Variants in NCAM1 observed in about 807,000 individuals in gnomAD.
NCAM1 encodes antigen recognized by monoclonal antibody 5.1H11.
Under a neutral mutation model 109.8 loss-of-function variants are expected in NCAM1, and 14 were observed. The observed-to-expected ratio is 0.13, with a 90% CI of 0.08 to 0.20. NCAM1 has a LOEUF of 0.20. NCAM1 is among the 10% of genes least tolerant of loss of function. The probability of loss-of-function intolerance (pLI) is 1.00; values close to 1 mark genes in which losing one functional copy is unlikely to be tolerated. For missense variants in NCAM1, 774 were observed against 1,109.9 expected (o/e 0.70, Z 4.30); for synonymous variants, 418 against 442.9 (o/e 0.94, Z 0.70).
intron 1 of NCAM1, among the ~76,000 whole-genome samples, chr11:113,172,667 T>A (rs1435314853): frequency 2.6e-5 from 4 of 152,136 alleles, no homozygotes; most frequent in Non-Finnish European, 5.9e-5. Context: ...TTATGTGGAG[T>A]TTAAATTGTG....
intron 1 of NCAM1, among the ~76,000 whole-genome samples, chr11:113,137,550 A>C (rs1247297608): frequency 6.6e-6 from 1 of 152,216 alleles, no homozygotes; most frequent in Non-Finnish European, 1.5e-5. Flanking sequence ...AGACATCTCC[A>C]AAAATATGAA....
chr11:113,183,138 G>A (rs1459647304), intron 1 of NCAM1, among the ~76,000 whole-genome samples: 2 of 152,184 alleles, frequency 1.3e-5, no homozygotes, highest in Admixed American at 1.3e-4. Flanking sequence ...TCCTGTGGGT[G>A]TTTGTAGGGG....
chr11:113,154,499 G>A (rs527276784), intron 1 of NCAM1, among the ~76,000 whole-genome samples: 3 of 152,172 alleles, frequency 2.0e-5, no homozygotes, highest in Non-Finnish European at 4.4e-5. Flanking sequence ...GCATGTGAAA[G>A]GGATTAAATG....
chr11:113,026,084 T>G (rs1472749556), intron 1 of NCAM1, among the ~76,000 whole-genome samples: 2 of 152,166 alleles, frequency 1.3e-5, no homozygotes, highest in African/African-American at 2.4e-5. Flanking sequence ...TACAAGGATT[T>G]TCAGAAGGTA....
intron 1 of NCAM1, among the ~76,000 whole-genome samples, chr11:113,161,886 G>A (rs1942611512): frequency 6.6e-6 from 1 of 152,144 alleles, no homozygotes; most frequent in African/African-American, 2.4e-5. Context: ...ATGCCAGGGA[G>A]CAGCTGGTCA....
At chr11:113,035,579 G>C (rs1270337752) in intron 1 of NCAM1, among the ~76,000 whole-genome samples, 1 of 152,142 alleles carries the variant, frequency 6.6e-6, no homozygotes, top group South Asian at 2.1e-4. Flanking sequence ...ATTTTTTAAA[G>C]GCCTTGGTGT....
chr11:113,136,104 G>A (rs918896660), intron 1 of NCAM1, among the ~76,000 whole-genome samples: 76 of 152,282 alleles, frequency 5.0e-4, no homozygotes, highest in African/African-American at 1.7e-3. Flanking sequence ...GTTCGCCTGA[G>A]CCCAGGAGTT....
intron 1 of NCAM1, among the ~76,000 whole-genome samples, chr11:113,166,771 C>A (rs11607865): frequency 0.3 from 44,607 of 150,472 alleles, 7,640 homozygotes; most frequent in South Asian, 0.49. Flanking sequence ...CACACACACA[C>A]AAAAAAAAAC....
rs539745599 is a variant in NCAM1, at chr11:113,164,194, C to G, written c.53-38185C>G. On this transcript the variant is annotated intron_variant, in intron 1 of 19. Transcript: ENST00000316851. Reference sequence around the variant, plus strand: ...TGCAGTCTGCACTTAGCACTGCACTCTGAACTAAGAGTGGAGAAGAGGACT... The same window carrying G: ...TGCAGTCTGCACTTAGCACTGCACTGTGAACTAAGAGTGGAGAAGAGGACT... Among the ~76,000 whole-genome samples the G allele has an allele frequency of 2.6e-5, 4 of 152,292 alleles. No homozygotes were observed. The East Asian group carries it at 7.7e-4, about 29-fold the overall frequency.
intron 1 of NCAM1, among the ~76,000 whole-genome samples, chr11:113,110,331 C>A (rs1413500059): frequency 6.6e-6 from 1 of 152,130 alleles, no homozygotes; most frequent in African/African-American, 2.4e-5. Context: ...ACTCATTTCA[C>A]CCCAGAATCT....
At chr11:112,977,162 T>C (rs1298532425) in intron 1 of NCAM1, among the ~76,000 whole-genome samples, 1 of 151,798 alleles carries the variant, frequency 6.6e-6, no homozygotes, top group African/African-American at 2.4e-5. Context: ...TAGAGATGCT[T>C]CTTAAATGTG....
At position 113,275,319 on chromosome 11, in the gene NCAM1, G is replaced by A. The variant is rs1946379593; in HGVS notation, c.2509G>A (p.Ala837Thr). 1.9e-6 allele frequency: 3 copies of A among 1,613,750 alleles called. No homozygotes were observed. The East Asian group carries it at 6.7e-5, about 36-fold the overall frequency. Reference sequence around the variant, plus strand: ...GTGCCAGGAGACAGAAACGAAGCCAGCGCCAGCCGAAGTCAAGACGGTCCC... The same window carrying A: ...GTGCCAGGAGACAGAAACGAAGCCAACGCCAGCCGAAGTCAAGACGGTCCC... ...PECQETETKP[A>T]PAEVKTVPND... The change falls in exon 20 of 20, where the codon GCG becomes ACG. Residue 837 changes from alanine to threonine, a missense_variant. Coordinates refer to ENST00000316851, the MANE Select transcript of NCAM1 (RefSeq NM_181351.5).
chr11:113,142,383 C>A (rs1259207978), intron 1 of NCAM1, among the ~76,000 whole-genome samples: 1 of 152,136 alleles, frequency 6.6e-6, no homozygotes, highest in Non-Finnish European at 1.5e-5. Flanking sequence ...TCAAAGGATG[C>A]AGAAACATAA....
chr11:113,268,738 G>T (rs980226315), intron 17 of NCAM1, among the ~76,000 whole-genome samples: 3 of 152,178 alleles, frequency 2.0e-5, no homozygotes, highest in Admixed American at 6.5e-5. Context: ...CAGCTCTGGT[G>T]CTGGTTACTC....
chr11:113,234,937 A>G (rs1555117958), intron 13 of NCAM1, 96 bp from the exon 14 acceptor site: 2 of 1,395,506 alleles, frequency 1.4e-6, no homozygotes, highest in Non-Finnish European at 1.9e-6. Context: ...TGATAAATCT[A>G]CAGTTAATTT....
chr11:113,214,547 T>C (rs782718534), intron 8 of NCAM1, 36 bp downstream of exon 8: 1 of 1,570,310 alleles, frequency 6.4e-7, no homozygotes, highest in Non-Finnish European at 8.6e-7. Context: ...GGCCTTGGAA[T>C]GCAGACTCAA....
intron 1 of NCAM1, among the ~76,000 whole-genome samples, chr11:113,119,560 C>T (rs1007300627): frequency 3.3e-5 from 5 of 152,082 alleles, no homozygotes; most frequent in South Asian, 2.1e-4. Flanking sequence ...AATTTTGGGA[C>T]GTGCAAAATT....
At chr11:112,998,522 G>A (rs1229964051) in intron 1 of NCAM1, among the ~76,000 whole-genome samples, 7 of 152,046 alleles carry the variant, frequency 4.6e-5, no homozygotes, top group Admixed American at 6.6e-5. Flanking sequence ...AGGTGTAAGC[G>A]TAGTCCCTGA....
intron 2 of NCAM1, among the ~76,000 whole-genome samples, 190 bp from the exon 3 acceptor site, chr11:113,204,096 A>G (rs1002087014): frequency 6.6e-6 from 1 of 152,204 alleles, no homozygotes; most frequent in Non-Finnish European, 1.5e-5. Context: ...TGTTAAGTAT[A>G]TAATAGTTAA....
Sources: allele counts gnomAD v4.1 joint callset (sites outside exome capture counted in the v4.1 genomes callset), GRCh38; gene constraint gnomAD v4.1.1; transcripts MANE v1.5; gene names NCBI Gene and HGNC (gene_info 2026-07-23, HGNC 2026-07-21).